The following MAML2 variants were observed in gnomAD, a reference collection of about 807,000 sequenced individuals.
MAML2 encodes the protein mastermind like transcriptional coactivator 2.
MAML2 carries 22 observed loss-of-function variants against 96.1 expected under a neutral mutation model. The observed-to-expected ratio is 0.23, with a 90% CI of 0.16 to 0.33. MAML2 has a LOEUF of 0.33. Among genes scored for constraint, MAML2 ranks in the 10% least tolerant of loss-of-function variants. The pLI is 1.00. For synonymous variants in MAML2, 561 were observed against 521.3 expected (o/e 1.08, Z -1.04); for missense variants, 1,367 against 1,392.4 (o/e 0.98, Z 0.29).
intron 2 of MAML2, among the ~76,000 whole-genome samples, chr11:96,005,571 A>G (rs567632138): frequency 6.6e-6 from 1 of 152,234 alleles, no homozygotes; most frequent in Non-Finnish European, 1.5e-5. Flanking sequence ...ATAATGAACA[A>G]ATAATAGATT....
At chr11:96,079,675 C>A (rs1749516383) in intron 2 of MAML2, among the ~76,000 whole-genome samples, 1 of 152,152 alleles carries the variant, frequency 6.6e-6, no homozygotes, top group Non-Finnish European at 1.5e-5. Context: ...ACCAAAGACA[C>A]CTAGGAAGCT....
intron 1 of MAML2, among the ~76,000 whole-genome samples, chr11:96,099,322 C>G (rs1859884293): frequency 6.6e-6 from 1 of 152,298 alleles, no homozygotes; most frequent in South Asian, 2.1e-4. Flanking sequence ...TAAATTCTAG[C>G]TCCTCAAGTA....
chr11:96,171,114 T>G (rs1303654926), intron 1 of MAML2, among the ~76,000 whole-genome samples: 1 of 152,062 alleles, frequency 6.6e-6, no homozygotes, highest in East Asian at 1.9e-4. Flanking sequence ...CCACCTCTTT[T>G]CTTTTTCATT....
intron 1 of MAML2, among the ~76,000 whole-genome samples, chr11:96,102,043 G>A (rs1428253714): frequency 6.6e-6 from 1 of 152,172 alleles, no homozygotes; most frequent in Non-Finnish European, 1.5e-5. Flanking sequence ...TTGGGAGGCT[G>A]AGGCAGACGG....
intron 1 of MAML2, among the ~76,000 whole-genome samples, chr11:96,173,150 G>C (rs1387470651): frequency 1.3e-5 from 2 of 152,162 alleles, no homozygotes; most frequent in African/African-American, 2.4e-5. Flanking sequence ...GGGGCTGTCG[G>C]GGAGATGTGT....
intron 2 of MAML2, among the ~76,000 whole-genome samples, chr11:96,009,345 T>C (rs891956822): frequency 6.6e-6 from 1 of 152,198 alleles, no homozygotes; most frequent in Non-Finnish European, 1.5e-5. Flanking sequence ...TAATATGCCA[T>C]TCATTCAAAC....
In MAML2 at chr11:96,159,407, C is replaced by CTTTTTTTTTTT. The variant is rs760811590; in HGVS notation, c.514-65901_514-65891dup. ...TAACCGTGCCTCTAAACCACTGATT[C>CTTTTTTTTTTT]TTTTTTTTTTTTTTTTTTTTTTTGA... On this transcript the variant is annotated intron_variant, in intron 1 of 4. Transcript: ENST00000524717. 8.0e-3 allele frequency among the ~76,000 whole-genome samples: 730 copies of CTTTTTTTTTTT among 91,060 alleles called. 94 individuals are homozygous for CTTTTTTTTTTT. The highest frequency in any genetic ancestry group is 0.013 in the East Asian group (29 of 2,268). The allele number at this position is 91,060 out of a possible 152,430, so 59.7% of individuals were successfully genotyped here.
chr11:96,219,191 A>T (rs1862096043), intron 1 of MAML2, among the ~76,000 whole-genome samples: 1 of 152,240 alleles, frequency 6.6e-6, no homozygotes, highest in South Asian at 2.1e-4. Flanking sequence ...TGGGCACTCA[A>T]TGTATTTAGG....
At chr11:96,327,715 G>A (rs533010001) in intron 1 of MAML2, among the ~76,000 whole-genome samples, 2 of 151,808 alleles carry the variant, frequency 1.3e-5, no homozygotes, top group East Asian at 1.9e-4. Flanking sequence ...AACTGCGCCC[G>A]GCCCTTTCCC....
At chr11:96,206,413 T>C (rs1218552360) in intron 1 of MAML2, among the ~76,000 whole-genome samples, 1 of 152,116 alleles carries the variant, frequency 6.6e-6, no homozygotes, top group Non-Finnish European at 1.5e-5. Context: ...CTGACCAACA[T>C]GGTAAAACCC....
chr11:96,130,062 T>C (rs1174116542), intron 1 of MAML2, among the ~76,000 whole-genome samples: 1 of 152,208 alleles, frequency 6.6e-6, no homozygotes, highest in Non-Finnish European at 1.5e-5. Context: ...CTGAACAAAA[T>C]AATGGGCAGA....
intron 1 of MAML2, among the ~76,000 whole-genome samples, chr11:96,109,777 T>G (rs1427776196): frequency 6.6e-6 from 1 of 152,102 alleles, no homozygotes; most frequent in African/African-American, 2.4e-5. Flanking sequence ...CTGTGGGGCA[T>G]GTAAGTGGAG....
intron 1 of MAML2, among the ~76,000 whole-genome samples, chr11:96,178,241 A>G (rs1471628152): frequency 2.6e-5 from 4 of 152,028 alleles, no homozygotes; most frequent in Non-Finnish European, 5.9e-5. Context: ...AGGATCAAAG[A>G]TGTGGGCCTC....
chr11:96,294,582 G>A (rs1473110681), intron 1 of MAML2, among the ~76,000 whole-genome samples: 1 of 152,154 alleles, frequency 6.6e-6, no homozygotes, highest in Non-Finnish European at 1.5e-5. Flanking sequence ...ATTCTCAAGA[G>A]GCTCACTGTT....
At chr11:96,220,006 T>TA (rs1862110666) in intron 1 of MAML2, among the ~76,000 whole-genome samples, 1 of 152,218 alleles carries the variant, frequency 6.6e-6, no homozygotes, top group African/African-American at 2.4e-5. Context: ...TGTATAGTGT[T>TA]AACTCTTGGG....
intron 1 of MAML2, among the ~76,000 whole-genome samples, chr11:96,268,354 G>A (rs2135978248): frequency 6.6e-6 from 1 of 152,246 alleles, no homozygotes; most frequent in East Asian, 1.9e-4. Context: ...AGGTATGGTG[G>A]TGTACTCCTG....
At position 96,269,078 on chromosome 11, in the gene MAML2, A is replaced by G. The variant is rs921576385; in HGVS notation, c.513+72305T>C. On this transcript the variant is annotated intron_variant, in intron 1 of 4. Transcript: ENST00000524717. ...TGGCATCATAATCCACTTCATTCAT[A>G]TACCATGGAAATGACTTGGTTATTT... is the stretch of plus-strand genomic sequence containing the variant. Among the ~76,000 whole-genome samples the G allele has an allele frequency of 1.4e-5, 2 of 145,206 alleles. 1 individual carries two copies. The highest frequency in any genetic ancestry group is 3.0e-5 in the Non-Finnish European group (2 of 66,958).
intron 1 of MAML2, among the ~76,000 whole-genome samples, chr11:96,165,298 A>C (rs923857432): frequency 6.6e-6 from 1 of 152,114 alleles, no homozygotes; most frequent in Non-Finnish European, 1.5e-5. Context: ...TCTTAATCCC[A>C]GTTTCCGATG....
chr11:96,133,299 C>T (rs571088232), intron 1 of MAML2, among the ~76,000 whole-genome samples: 2 of 152,234 alleles, frequency 1.3e-5, no homozygotes, highest in South Asian at 2.1e-4. Flanking sequence ...TTGTTGAATG[C>T]CATTTGGGAG....
Sources: allele counts gnomAD v4.1 joint callset (sites outside exome capture counted in the v4.1 genomes callset), GRCh38; gene constraint gnomAD v4.1.1; transcripts MANE v1.5; gene names NCBI Gene and HGNC (gene_info 2026-07-23, HGNC 2026-07-21).